Variants in SLC35F5 observed in about 807,000 individuals in gnomAD.
The protein encoded by SLC35F5 is HCV NS5A-transactivated protein 3.
Under a neutral mutation model 68.6 loss-of-function variants are expected in SLC35F5, and 54 were observed. That is an observed-to-expected ratio of 0.79 (90% CI 0.63 to 0.99). The LOEUF (loss-of-function observed/expected upper bound fraction) is 0.99, where lower values mean the gene tolerates loss of function less well. Among genes scored for constraint, SLC35F5 ranks in the 50% least tolerant of loss-of-function variants. The pLI is 0.00. For missense variants in SLC35F5, 567 were observed against 626.9 expected, an observed-to-expected ratio of 0.90 and a Z score of 1.02; for synonymous variants, 211 against 205.2, an observed-to-expected ratio of 1.03 and a Z score of -0.24.
chr2:113,705,208 G>A (rs1265586224), downstream of SLC35F5: 1 of 152,196 alleles, frequency 6.6e-6, no homozygotes, highest in African/African-American at 2.4e-5. Context: ...GGTAGAAACT[G>A]GGACTGTCCT....
At chr2:113,726,869 T>G (rs1455147328) in intron 11 of SLC35F5, among the ~76,000 whole-genome samples, 1 of 152,182 alleles carries the variant, frequency 6.6e-6, no homozygotes, top group Non-Finnish European at 1.5e-5. Flanking sequence ...TCCCCTTCTC[T>G]ATCTTGCTTC....
intron 7 of SLC35F5, 66 bp downstream of exon 7, chr2:113,742,626 G>T: frequency 1.4e-6 from 2 of 1,459,242 alleles, no homozygotes; most frequent in Non-Finnish European, 1.9e-6. Flanking sequence ...CTATATTGTT[G>T]GTATGTATAC....
At position 113,755,272 on chromosome 2, in the gene SLC35F5, T is replaced by A; in HGVS notation, c.166A>T (p.Met56Leu). 1 of 1,614,164 alleles carries A rather than the reference T, an allele frequency of 6.2e-7. No homozygotes were observed. The highest frequency in any genetic ancestry group is 8.5e-7 in the Non-Finnish European group (1 of 1,180,022). The change falls in exon 3 of 16, where the codon ATG becomes TTG. Residue 56 changes from methionine to leucine, a missense_variant. Met to Leu is a conservative substitution (Grantham distance 15, BLOSUM62 2). Transcript: ENST00000245680. ...QMVCVFVMNRMNSQNSGFTQR... is the reference protein window; with the variant it reads ...QMVCVFVMNRLNSQNSGFTQR... ...GTGAAACCACTGTTCTGGGAATTCATTCGGTTCATGACAAATACACACACC... is the reference window on the plus strand; with the variant it reads ...GTGAAACCACTGTTCTGGGAATTCAATCGGTTCATGACAAATACACACACC...
chr2:113,755,960 G>GT, intron 1 of SLC35F5: 5 of 1,549,676 alleles, frequency 3.2e-6, no homozygotes, highest in Middle Eastern at 1.7e-4. Flanking sequence ...TTATCGGAGA[G>GT]TAAGTGATTT....
Position 113,755,541 on chromosome 2 carries a change from A to T in SLC35F5, c.44T>A (p.Val15Glu). The stretch of plus-strand genomic sequence containing the variant: ...TCTAAAAGGAGGTGAAGAACTCAGC[A>T]CCCCTAAAAACAACCATGAAATTAT... ...RRHRGAGRPG[V>E]LSSSPPFRLR... is the part of the protein sequence containing the mutation. Residue 15 changes from valine (V) to glutamate (E), a missense_variant, in exon 2 of 16, where the codon GTG (valine) becomes GAG (glutamate). By Grantham distance (121) the Val-to-Glu change is moderately radical. Coordinates refer to ENST00000245680, the MANE Select transcript of SLC35F5 (RefSeq NM_025181.5). 6.2e-7 allele frequency: 1 copy of T among 1,613,152 alleles called. No individual in the cohort carries two copies. Among genetic ancestry groups the T allele is most frequent in the South Asian group, 1.1e-5 (1 of 90,918 alleles).
chr2:113,711,636 C>T lies in SLC35F5; in HGVS notation c.*3582G>A, dbSNP rs951735361. Reference sequence around the variant, plus strand: ...GAACTCAAACTTCAAATTCTGTAAACTGAACATCTCATTAATGCCACTTCA... The same window carrying T: ...GAACTCAAACTTCAAATTCTGTAAATTGAACATCTCATTAATGCCACTTCA... On this transcript the variant is annotated 3_prime_UTR_variant, in exon 16 of 16. Transcript: ENST00000245680. Among the ~76,000 whole-genome samples, 1 of 152,124 alleles carries T rather than the reference C, an allele frequency of 6.6e-6. No homozygotes were observed. Among genetic ancestry groups the T allele is most frequent in the African/African-American group, 2.4e-5 (1 of 41,416 alleles).
chr2:113,754,663 A>T (rs1676893038), intron 3 of SLC35F5, among the ~76,000 whole-genome samples: 1 of 152,260 alleles, frequency 6.6e-6, no homozygotes, highest in Non-Finnish European at 1.5e-5. Context: ...AAGGAAAATT[A>T]TGAGGTATAC....
At chr2:113,750,355 T>C (rs1477132757) in intron 4 of SLC35F5, 70 bp downstream of exon 4, 6 of 1,365,800 alleles carry the variant, frequency 4.4e-6, no homozygotes, top group South Asian at 1.7e-5. Context: ...AAGAAACTAA[T>C]ACATCTTTAA....
Position 113,750,569 on chromosome 2 carries a change from CT to C in SLC35F5, c.274-2del. ...GTTTGTTGTACTGGGTAAAAACATA[CT>C]GTAGAGGAAAAAGTTACACAGACAA... On this transcript the variant is annotated splice_acceptor_variant, in intron 3 of 15. Coordinates refer to ENST00000245680, the MANE Select transcript of SLC35F5 (RefSeq NM_025181.5). LOFTEE classifies it high-confidence loss of function. 8.1e-6 allele frequency: 13 copies of C among 1,598,516 alleles called. No individual in the cohort carries two copies. Among genetic ancestry groups the C allele is most frequent in the Non-Finnish European group, 1.1e-5 (13 of 1,173,574 alleles).
In SLC35F5 at chr2:113,756,542, G is replaced by A. The variant is rs1225086320; in HGVS notation, c.-133C>T. On this transcript the variant is annotated 5_prime_UTR_variant, in exon 1 of 16. Coordinates refer to ENST00000245680, the MANE Select transcript of SLC35F5 (RefSeq NM_025181.5). ...GAAGACGCGGTGCCCCTCAGGGAGA[G>A]GCTCCCGACACCACCCAACTCCACT... 1.2e-5 allele frequency: 17 copies of A among 1,477,932 alleles called. No homozygotes were observed. The highest frequency in any genetic ancestry group is 2.2e-5 in the Admixed American group (1 of 44,988). 91.6% of individuals were successfully genotyped at this position (1,477,932 alleles called of 1,614,324 possible). A position where few individuals can be genotyped will look rare whatever the true frequency, so the allele number is the denominator to read the frequency against.
At chr2:113,723,918 T>C (rs1687556613) in intron 12 of SLC35F5, among the ~76,000 whole-genome samples, 1 of 152,184 alleles carries the variant, frequency 6.6e-6, no homozygotes, top group Admixed American at 6.5e-5. Flanking sequence ...GACTGATAAT[T>C]TGGGCATATA....
Position 113,755,299 on chromosome 2 carries a change from T to C in SLC35F5, c.139A>G (p.Met47Val), listed in dbSNP as rs190986421. ...CGGTTCATGACAAATACACACACCA[T>C]TTGCAGTCTGTTTTTTAGAAAATAC... ...LRRALKTRLQ[M>V]VCVFVMNRMN... The change falls in exon 3 of 16, where the codon ATG becomes GTG. Residue 47 changes from methionine (M) to valine (V), a missense_variant. Met to Val is a conservative substitution (Grantham distance 21, BLOSUM62 1). Transcript: ENST00000245680. 1 of 1,613,988 alleles carries C rather than the reference T, an allele frequency of 6.2e-7. No individual in the cohort carries two copies. The highest frequency in any genetic ancestry group is 1.7e-5 in the Admixed American group (1 of 59,958).
chr2:113,704,156 G>A (rs184262773), downstream of SLC35F5: 25 of 152,444 alleles, frequency 1.6e-4, no homozygotes, highest in African/African-American at 5.5e-4. Context: ...GCTCGGTAAG[G>A]GAACCCCAGC....
In SLC35F5 at chr2:113,749,394, A is replaced by G. The variant is rs528619577; in HGVS notation, c.417+1031T>C. Among the ~76,000 whole-genome samples the G allele has an allele frequency of 1.4e-4, 21 of 152,298 alleles. No homozygotes were observed. In the South Asian group the frequency reaches 2.1e-3, roughly 15 times the overall value. On this transcript the variant is annotated intron_variant, in intron 4 of 15. Transcript: ENST00000245680. Reference sequence around the variant, plus strand: ...GCATGGCTACGTACTCAGCTACTTGAGAGACTGAGGCAAGTAGACTGCTTG... The same window carrying G: ...GCATGGCTACGTACTCAGCTACTTGGGAGACTGAGGCAAGTAGACTGCTTG...
At chr2:113,717,189 C>T (rs889542378) in intron 15 of SLC35F5, among the ~76,000 whole-genome samples, 5 of 152,054 alleles carry the variant, frequency 3.3e-5, no homozygotes, top group Admixed American at 3.3e-4. Flanking sequence ...ATAAAAGACA[C>T]TATTTCTTAA....
At chr2:113,718,023 G>A (rs1205779799) in intron 14 of SLC35F5, among the ~76,000 whole-genome samples, 173 bp from the exon 15 acceptor site, 1 of 152,028 alleles carries the variant, frequency 6.6e-6, no homozygotes, top group Non-Finnish European at 1.5e-5. Context: ...TTTTGTTTTT[G>A]TTTTTTAAAT....
At chr2:113,730,574 A>G (rs767930977) in intron 10 of SLC35F5, among the ~76,000 whole-genome samples, 5 of 152,190 alleles carry the variant, frequency 3.3e-5, no homozygotes, top group Non-Finnish European at 7.4e-5. Flanking sequence ...TCAAATATCT[A>G]AAGAAGTATT....
chr2:113,752,955 CATATGCTTTAAA>C (rs1367418919), intron 3 of SLC35F5, among the ~76,000 whole-genome samples: 5 of 152,036 alleles, frequency 3.3e-5, no homozygotes, highest in African/African-American at 9.7e-5. Flanking sequence ...TGGCATGTGA[CATATGCTTTAAA>C]ATATGCTTTA....
chr2:113,726,971 A>G (rs933430867), intron 11 of SLC35F5, among the ~76,000 whole-genome samples: 11 of 152,072 alleles, frequency 7.2e-5, no homozygotes, highest in Non-Finnish European at 1.6e-4. Context: ...GAGCCCAACT[A>G]TTATGGTTTG....
Sources: allele counts gnomAD v4.1 joint callset (sites outside exome capture counted in the v4.1 genomes callset), GRCh38; gene constraint gnomAD v4.1.1; transcripts MANE v1.5; gene names NCBI Gene and HGNC (gene_info 2026-07-23, HGNC 2026-07-21).